Variants in PCDHA5 observed in about 807,000 individuals in gnomAD.
The protein encoded by PCDHA5 is protocadherin alpha-5.
PCDHA5 carries 43 observed loss-of-function variants against 61.6 expected under a neutral mutation model. The ratio of observed to expected loss-of-function variants is 0.70; its 90% CI spans 0.55 to 0.90. PCDHA5 has a LOEUF of 0.90. PCDHA5 is among the 40% of genes least tolerant of loss of function. The probability of loss-of-function intolerance (pLI) is 0.00; values close to 1 mark genes in which losing one functional copy is unlikely to be tolerated. For missense variants in PCDHA5, 1,298 were observed against 1,222.7 expected (o/e 1.06, Z -0.92); for synonymous variants, 627 against 543.9 (o/e 1.15, Z -2.13).
At chr5:140,911,785 T>C (rs1334155529) in intron 1 of PCDHA5, among the ~76,000 whole-genome samples, 1 of 152,180 alleles carries the variant, frequency 6.6e-6, no homozygotes, top group Non-Finnish European at 1.5e-5. Context: ...CTTAGCATTT[T>C]TGGGTCTAAT....
intron 1 of PCDHA5, chr5:140,859,596 AT>A (rs1554152518): frequency 6.1e-6 from 1 of 164,060 alleles, no homozygotes; most frequent in Non-Finnish European, 1.3e-5. Flanking sequence ...GCTCTTAGCA[AT>A]TACTTTTTTC....
intron 1 of PCDHA5, chr5:140,829,821 T>C (rs2150175434): frequency 1.2e-6 from 2 of 1,613,858 alleles, no homozygotes; most frequent in South Asian, 2.2e-5. Flanking sequence ...GGTGGTGCAG[T>C]GAGCGAGCTG....
At chr5:140,942,105 A>G (rs572263085) in intron 1 of PCDHA5, among the ~76,000 whole-genome samples, 2 of 152,344 alleles carry the variant, frequency 1.3e-5, no homozygotes, top group South Asian at 2.1e-4. Context: ...CATTCATATA[A>G]TCAAACTTTA....
At chr5:141,008,686 A>G (rs1419778370) in intron 3 of PCDHA5, among the ~76,000 whole-genome samples, 1 of 152,174 alleles carries the variant, frequency 6.6e-6, no homozygotes, top group Non-Finnish European at 1.5e-5. Flanking sequence ...TAGTTATTGC[A>G]TGTATTAAGT....
chr5:140,834,810 G>C (rs2150227216), intron 1 of PCDHA5: 6 of 1,612,624 alleles, frequency 3.7e-6, no homozygotes, highest in South Asian at 1.1e-5. Flanking sequence ...TCTGTTCATC[G>C]CGGAATCCAG....
chr5:141,010,432 CAA>C lies in PCDHA5; in HGVS notation c.*497_*498del. The C allele has an allele frequency of 8.5e-6, 9 of 1,056,970 alleles. No individual in the cohort carries two copies. The highest frequency in any genetic ancestry group is 1.2e-5 in the Non-Finnish European group (9 of 756,282). 65.5% of individuals were successfully genotyped at this position (1,056,970 alleles called of 1,614,324 possible). A position where few individuals can be genotyped will look rare whatever the true frequency, so the allele number is the denominator to read the frequency against. On this transcript the variant is annotated 3_prime_UTR_variant, in exon 4 of 4. Coordinates refer to ENST00000529859, the MANE Select transcript of PCDHA5 (RefSeq NM_018908.3). Reference sequence around the variant, plus strand: ...AATTGGTACAAGGAAGGCAAGAAAACAAAGACAAATAAACAGCGGAAGTTATC... The same window carrying C: ...AATTGGTACAAGGAAGGCAAGAAAACAGACAAATAAACAGCGGAAGTTATC...
chr5:140,889,720 T>C (rs1259294888), intron 1 of PCDHA5, among the ~76,000 whole-genome samples: 1 of 152,240 alleles, frequency 6.6e-6, no homozygotes, highest in African/African-American at 2.4e-5. Context: ...TCTTTGCTAC[T>C]GTCTCACTGA....
At chr5:140,835,194 G>A in intron 1 of PCDHA5, 1 of 1,544,758 alleles carries the variant, frequency 6.5e-7, no homozygotes, top group Non-Finnish European at 8.8e-7. Context: ...AGATTTAGAC[G>A]AAGGCTTGAA....
Position 140,968,192 on chromosome 5 carries a change from A to G in PCDHA5, c.2353-10757A>G, listed in dbSNP as rs555596025. The G allele has an allele frequency of 2.5e-6, 4 of 1,614,038 alleles. No individual in the cohort carries two copies. The Admixed American group carries it at 5.0e-5, about 20-fold the overall frequency. ...AAGCTTCCTGGAGGACTCCTATTCC[A>G]TCTACATACAGGAGAACAATTTGCC... On this transcript the variant is annotated intron_variant, in intron 1 of 3. Coordinates refer to ENST00000529859, the MANE Select transcript of PCDHA5 (RefSeq NM_018908.3).
intron 1 of PCDHA5, chr5:140,969,110 C>G (rs1380719565): frequency 2.5e-6 from 4 of 1,614,064 alleles, no homozygotes; most frequent in South Asian, 2.2e-5. Context: ...CATTGAAGTT[C>G]GAGGGAATGG....
At chr5:140,835,990 G>T (rs2150249638) in intron 1 of PCDHA5, 1 of 1,613,318 alleles carries the variant, frequency 6.2e-7, no homozygotes, top group East Asian at 2.2e-5. Context: ...TTCCAGGTGA[G>T]CGCGCGCGAT....
chr5:140,855,412 A>T (rs2043457321), intron 1 of PCDHA5, among the ~76,000 whole-genome samples: 1 of 149,990 alleles, frequency 6.7e-6, no homozygotes, highest in South Asian at 2.1e-4. Context: ...GAAGCTAATG[A>T]TCTCTAAATT....
intron 1 of PCDHA5, among the ~76,000 whole-genome samples, chr5:140,962,815 A>C (rs782313534): frequency 3.3e-5 from 5 of 152,242 alleles, no homozygotes; most frequent in Non-Finnish European, 7.3e-5. Flanking sequence ...AACATCAGAG[A>C]TGACCATTTG....
At chr5:140,911,439 A>C (rs2075473101) in intron 1 of PCDHA5, among the ~76,000 whole-genome samples, 2 of 152,080 alleles carry the variant, frequency 1.3e-5, no homozygotes, top group Admixed American at 1.3e-4. Context: ...AATTTCCCGC[A>C]ATTTCAGCTC....
At chr5:140,892,623 C>T (rs2153438758) in intron 1 of PCDHA5, among the ~76,000 whole-genome samples, 1 of 152,114 alleles carries the variant, frequency 6.6e-6, no homozygotes, top group East Asian at 1.9e-4. Flanking sequence ...CCAGTTGGTA[C>T]ATAATAATTG....
chr5:140,937,717 C>G (rs868958316), intron 1 of PCDHA5, among the ~76,000 whole-genome samples: 34 of 151,858 alleles, frequency 2.2e-4, no homozygotes, highest in African/African-American at 8.2e-4. Flanking sequence ...TCAAGACCAT[C>G]CTGGCTAACA....
chr5:140,926,054 T>C (rs1018660828), intron 1 of PCDHA5, among the ~76,000 whole-genome samples: 1 of 152,182 alleles, frequency 6.6e-6, no homozygotes, highest in Non-Finnish European at 1.5e-5. Flanking sequence ...CCCAACCTTC[T>C]TCCCCTCCTT....
At position 140,928,807 on chromosome 5, in the gene PCDHA5, C is replaced by T. The variant is rs782261335; in HGVS notation, c.2353-50142C>T. 6.2e-6 allele frequency: 10 copies of T among 1,614,094 alleles called. No homozygotes were observed. Among genetic ancestry groups the T allele is most frequent in the Non-Finnish European group, 8.5e-6 (10 of 1,180,020 alleles). On this transcript the variant is annotated intron_variant, in intron 1 of 3. Coordinates refer to ENST00000529859, the MANE Select transcript of PCDHA5 (RefSeq NM_018908.3). ...TAAGCAGAGGGTGGTGGTAGTGGTT[C>T]GGGACCATGGAGACCCACCACTTTC...
At chr5:140,893,137 C>T (rs2153441262) in intron 1 of PCDHA5, among the ~76,000 whole-genome samples, 1 of 152,298 alleles carries the variant, frequency 6.6e-6, no homozygotes, top group South Asian at 2.1e-4. Context: ...TTTCTTTATC[C>T]ACTCATCTGT....
Sources: allele counts gnomAD v4.1 joint callset (sites outside exome capture counted in the v4.1 genomes callset), GRCh38; gene constraint gnomAD v4.1.1; transcripts MANE v1.5; gene names NCBI Gene and HGNC (gene_info 2026-07-23, HGNC 2026-07-21).